The following RIPK2 variants were observed in gnomAD, a reference collection of about 807,000 sequenced individuals.
RIPK2 encodes the protein receptor interacting serine/threonine kinase 2, also known as receptor-interacting serine/threonine-protein kinase 2.
In RIPK2, 38 loss-of-function variants were observed where a neutral mutation model predicts 60.9. That is an observed-to-expected ratio of 0.62 (90% CI 0.48 to 0.82). The LOEUF (loss-of-function observed/expected upper bound fraction) is 0.82. Among genes scored for constraint, RIPK2 ranks in the 40% least tolerant of loss-of-function variants. The probability of loss-of-function intolerance (pLI) is 0.00; values close to 1 mark genes in which losing one functional copy is unlikely to be tolerated. For missense variants in RIPK2, 518 were observed against 647.0 expected (o/e 0.80, Z 2.16); for synonymous variants, 225 against 223.4 (o/e 1.01, Z -0.06).
chr8:89,773,526 G>T (rs1176001510), intron 6 of RIPK2, among the ~76,000 whole-genome samples: 1 of 152,168 alleles, frequency 6.6e-6, no homozygotes, highest in African/African-American at 2.4e-5. Flanking sequence ...TCATAAAAAG[G>T]TTAGATTTTT....
intron 8 of RIPK2, 59 bp downstream of exon 8, chr8:89,784,198 G>GA: frequency 1.9e-6 from 2 of 1,078,970 alleles, no homozygotes; most frequent in Non-Finnish European, 2.6e-6. Flanking sequence ...AGAAGAATTT[G>GA]AAAAAATCAT....
intron 6 of RIPK2, among the ~76,000 whole-genome samples, chr8:89,774,027 G>C (rs1809357199): frequency 6.6e-6 from 1 of 151,940 alleles, no homozygotes. Flanking sequence ...ATGTGTAATA[G>C]TGCACTGTGA....
chr8:89,770,035 C>A, intron 4 of RIPK2, 106 bp downstream of exon 4: 1 of 901,366 alleles, frequency 1.1e-6, no homozygotes, highest in Non-Finnish European at 1.6e-6. Flanking sequence ...ATTCTTCTCT[C>A]ATAATTGTGG....
chr8:89,767,268 A>G (rs927251118), intron 3 of RIPK2, among the ~76,000 whole-genome samples: 4 of 151,778 alleles, frequency 2.6e-5, no homozygotes, highest in African/African-American at 7.2e-5. Context: ...TTTTTGAGTA[A>G]TTAATACTAA....
At chr8:89,772,379 T>G (rs1316259700) in intron 5 of RIPK2, among the ~76,000 whole-genome samples, 1 of 152,098 alleles carries the variant, frequency 6.6e-6, no homozygotes, top group Non-Finnish European at 1.5e-5. Flanking sequence ...TAGCCCTTCT[T>G]AGTTCTGCAA....
chr8:89,759,885 T>G (rs1434231550), intron 1 of RIPK2, among the ~76,000 whole-genome samples: 1 of 152,232 alleles, frequency 6.6e-6, no homozygotes, highest in Non-Finnish European at 1.5e-5. Flanking sequence ...CTAAGCTTTG[T>G]GCAGTTTGGG....
At chr8:89,779,976 G>C in intron 6 of RIPK2, 99 bp from the exon 7 acceptor site, 1 of 631,970 alleles carries the variant, frequency 1.6e-6, no homozygotes. Flanking sequence ...ATCACTTTGG[G>C]GAAAAACTGA....
intron 8 of RIPK2, among the ~76,000 whole-genome samples, chr8:89,786,123 T>C (rs556891050): frequency 1.3e-3 from 197 of 152,354 alleles, no homozygotes; most frequent in African/African-American, 4.6e-3. Flanking sequence ...TAAGTTTATC[T>C]TTGTTGGTTA....
chr8:89,763,511 C>T (rs539905208), intron 2 of RIPK2, among the ~76,000 whole-genome samples: 111 of 152,068 alleles, frequency 7.3e-4, no homozygotes, highest in Non-Finnish European at 1.4e-3. Flanking sequence ...ATTATGAATC[C>T]CTTGAGTAAA....
At chr8:89,763,013 T>A in intron 2 of RIPK2, 31 bp downstream of exon 2, 4 of 1,319,460 alleles carry the variant, frequency 3.0e-6, no homozygotes, top group Non-Finnish European at 4.0e-6. Context: ...GTGGCCATAA[T>A]TGCCATTTTT....
rs1309778730 is a variant in RIPK2 at position 89,789,324 on chromosome 8, A to G, written c.1127A>G (p.Lys376Arg). 1.2e-6 allele frequency: 2 copies of G among 1,612,778 alleles called. No individual in the cohort carries two copies. The highest frequency in any genetic ancestry group is 1.3e-5 in the African/African-American group (1 of 74,950). ...ATGAAGATGTTGTATTTTGTAGGAAAAGCTCAAGACTGTTATTTTATGAAG... is the reference window on the plus strand; with the variant it reads ...ATGAAGATGTTGTATTTTGTAGGAAGAGCTCAAGACTGTTATTTTATGAAG... ...APQDNDFLSRKAQDCYFMKLH... is the reference protein window; with the variant it reads ...APQDNDFLSRRAQDCYFMKLH... Residue 376 changes from lysine (K) to arginine (R), a missense_variant, in exon 10 of 11, where the codon AAA becomes AGA. Physicochemically the swap from Lys to Arg is conservative, Grantham distance 26. This residue lies in a region of RIPK2 where 448 missense variants were observed against 534.7 expected (regional missense o/e 0.84). Coordinates refer to ENST00000220751, the MANE Select transcript of RIPK2 (RefSeq NM_003821.6).
At chr8:89,761,196 T>C (rs1809139036) in intron 1 of RIPK2, among the ~76,000 whole-genome samples, 1 of 152,236 alleles carries the variant, frequency 6.6e-6, no homozygotes, top group Non-Finnish European at 1.5e-5. Flanking sequence ...TGGTCTAGAA[T>C]GTCTGTTGCT....
intron 6 of RIPK2, among the ~76,000 whole-genome samples, chr8:89,778,906 A>C (rs910713734): frequency 6.6e-6 from 1 of 152,164 alleles, no homozygotes; most frequent in African/African-American, 2.4e-5. Flanking sequence ...AAGTAGCTGC[A>C]TTATCTTATT....
rs766384952 is a variant in RIPK2, at chr8:89,772,766, G to A, written c.791G>A (p.Arg264His). 4.0e-5 allele frequency: 65 copies of A among 1,611,804 alleles called. No individual in the cohort carries two copies. The African/African-American group carries it at 4.5e-4, about 11-fold the overall frequency. Residue 264 changes from arginine to histidine, a missense_variant, in exon 6 of 11, where the codon CGT (arginine) becomes CAT (histidine). By Grantham distance (29) the Arg-to-His change is conservative. Coordinates refer to ENST00000220751, the MANE Select transcript of RIPK2 (RefSeq NM_003821.6). ...CCATATGATATACCTCACCGAGCAC[G>A]TATGATCTCTCTAATAGAAAGTGGA... is the stretch of plus-strand genomic sequence containing the variant. ...SLPYDIPHRA[R>H]MISLIESGWA...
intron 7 of RIPK2, among the ~76,000 whole-genome samples, chr8:89,783,339 A>T (rs1683044877): frequency 6.6e-6 from 1 of 152,242 alleles, no homozygotes; most frequent in African/African-American, 2.4e-5. Flanking sequence ...TAAGTAAATC[A>T]TCTACTCAGC....
intron 1 of RIPK2, chr8:89,759,458 G>C: frequency 2.2e-6 from 1 of 451,530 alleles, no homozygotes; most frequent in East Asian, 7.0e-5. Flanking sequence ...TGAGTATCCA[G>C]CATCAGATAA....
At position 89,784,159 on chromosome 8, in the gene RIPK2, AAAAAAG is replaced by A. The variant is rs1427360348; in HGVS notation, c.1029+21_1029+26del. 7.3e-7 allele frequency: 1 copy of A among 1,368,638 alleles called. No individual in the cohort carries two copies. Among genetic ancestry groups the A allele is most frequent in the Non-Finnish European group, 1.0e-6 (1 of 993,484 alleles). The allele number at this position is 1,368,638 out of a possible 1,614,324, so 84.8% of individuals were successfully genotyped here. On this transcript the variant is annotated intron_variant, in intron 8 of 10. Transcript: ENST00000220751. ...CAAGAGGTAAAAAAAAAAAAAAAAAAAAAAAGGTTATATTAAACTCAAAATGTGAGA... is the reference window on the plus strand; with the variant it reads ...CAAGAGGTAAAAAAAAAAAAAAAAAAGTTATATTAAACTCAAAATGTGAGA...
At chr8:89,771,579 A>T (rs1267303921) in intron 4 of RIPK2, among the ~76,000 whole-genome samples, 162 bp from the exon 5 acceptor site, 1 of 151,938 alleles carries the variant, frequency 6.6e-6, no homozygotes, top group Non-Finnish European at 1.5e-5. Flanking sequence ...TTGTTTCCAA[A>T]CTACATGAGC....
At chr8:89,789,232 T>A in intron 9 of RIPK2, 89 bp from the exon 10 acceptor site, 1 of 1,105,568 alleles carries the variant, frequency 9.0e-7, no homozygotes. Context: ...CATTGGAGCC[T>A]ACCTTCTGTC....
Sources: gnomAD v4.1 joint callset for allele counts (sites outside exome capture counted in the v4.1 genomes callset) on GRCh38, gnomAD v4.1.1 for gene constraint, gnomAD v4.1.1 regional missense constraint, MANE v1.5 for transcripts, NCBI Gene and HGNC (gene_info 2026-07-23, HGNC 2026-07-21) for gene names.